Variants in RABGAP1L observed in about 807,000 individuals in gnomAD.
RABGAP1L encodes RAB GTPase activating protein 1 like.
A neutral mutation model predicts 137.7 loss-of-function variants in RABGAP1L; 63 were observed. The observed-to-expected ratio is 0.46, with a 90% CI of 0.37 to 0.56. The LOEUF is 0.56. Among genes scored for constraint, RABGAP1L ranks in the 20% least tolerant of loss-of-function variants. The pLI, the probability that RABGAP1L is intolerant of heterozygous loss-of-function variation, is 0.00. For synonymous variants in RABGAP1L, 431 were observed against 433.7 expected (o/e 0.99, Z 0.08); for missense variants, 1,095 against 1,244.0 (o/e 0.88, Z 1.80).
chr1:174,685,357 A>C (rs577255268), intron 15 of RABGAP1L, among the ~76,000 whole-genome samples: 32 of 152,016 alleles, frequency 2.1e-4, no homozygotes, highest in African/African-American at 7.0e-4. Flanking sequence ...TGTTCACTCC[A>C]TTCTCCTGCC....
chr1:174,710,770 A>G (rs1558006383), intron 17 of RABGAP1L, among the ~76,000 whole-genome samples: 6 of 152,244 alleles, frequency 3.9e-5, no homozygotes, highest in Admixed American at 2.6e-4. Flanking sequence ...CAACTAATGG[A>G]CAAAATAACC....
intron 11 of RABGAP1L, chr1:174,368,162 CA>C (rs1297454696): frequency 6.6e-6 from 1 of 152,218 alleles, no homozygotes; most frequent in African/African-American, 2.4e-5. Flanking sequence ...CCGTGGTTGC[CA>C]GCATAGACCA....
At chr1:174,848,150 C>T (rs1205013172) in intron 19 of RABGAP1L, among the ~76,000 whole-genome samples, 1 of 39,496 alleles carries the variant, frequency 2.5e-5, no homozygotes, top group East Asian at 5.4e-4. Context: ...TCAAAGTTTT[C>T]AACTTCTTTG....
At chr1:174,389,852 G>T (rs1274344625) in intron 12 of RABGAP1L, among the ~76,000 whole-genome samples, 1 of 152,028 alleles carries the variant, frequency 6.6e-6, no homozygotes, top group Non-Finnish European at 1.5e-5. Flanking sequence ...ATGATTAATA[G>T]ATATTTGATT....
At chr1:174,328,007 A>G (rs371649833) in intron 11 of RABGAP1L, among the ~76,000 whole-genome samples, 27 of 137,104 alleles carry the variant, frequency 2.0e-4, no homozygotes, top group East Asian at 1.1e-3. Flanking sequence ...ATATATATAT[A>G]TATATATATA....
chr1:174,508,443 A>G (rs932792429), intron 13 of RABGAP1L, among the ~76,000 whole-genome samples: 4 of 152,136 alleles, frequency 2.6e-5, no homozygotes, highest in African/African-American at 9.7e-5. Context: ...CTTATTTATC[A>G]ACCCTGTAGT....
chr1:174,602,078 T>C (rs2148175814), intron 13 of RABGAP1L, among the ~76,000 whole-genome samples: 1 of 152,314 alleles, frequency 6.6e-6, no homozygotes, highest in South Asian at 2.1e-4. Flanking sequence ...CACCAAACTG[T>C]TCCAACCTCT....
At chr1:174,539,696 T>C (rs1422828005) in intron 13 of RABGAP1L, among the ~76,000 whole-genome samples, 3 of 152,268 alleles carry the variant, frequency 2.0e-5, no homozygotes, top group Non-Finnish European at 4.4e-5. Flanking sequence ...CTATCATTGA[T>C]GGACATTTGG....
At chr1:174,555,259 C>T (rs2147999281) in intron 13 of RABGAP1L, among the ~76,000 whole-genome samples, 1 of 152,320 alleles carries the variant, frequency 6.6e-6, no homozygotes, top group South Asian at 2.1e-4. Context: ...TACTCAATTT[C>T]AGCTGTTACT....
At chr1:174,237,409 C>T (rs1480180919) in intron 4 of RABGAP1L, among the ~76,000 whole-genome samples, 4 of 71,152 alleles carry the variant, frequency 5.6e-5, no homozygotes, top group Middle Eastern at 4.4e-3. Context: ...CGGCTGGTAC[C>T]GGTTGTTCCT....
At chr1:174,799,318 G>C (rs973476493) in intron 18 of RABGAP1L, among the ~76,000 whole-genome samples, 4 of 152,080 alleles carry the variant, frequency 2.6e-5, no homozygotes, top group African/African-American at 7.2e-5. Context: ...TCATTTCTTG[G>C]TTGCTTGGTC....
intron 13 of RABGAP1L, among the ~76,000 whole-genome samples, chr1:174,403,861 T>C (rs570895405): frequency 9.9e-5 from 15 of 152,180 alleles, no homozygotes; most frequent in Admixed American, 9.8e-4. Context: ...AAATTTGACT[T>C]TGTATTGGTT....
At chr1:174,730,851 A>G (rs1403017641) in intron 17 of RABGAP1L, among the ~76,000 whole-genome samples, 1 of 152,212 alleles carries the variant, frequency 6.6e-6, no homozygotes, top group Admixed American at 6.5e-5. Flanking sequence ...TAAAAAGTAA[A>G]AATTGTGGCC....
chr1:174,750,414 G>A (rs1212644034), intron 17 of RABGAP1L, among the ~76,000 whole-genome samples: 2 of 152,056 alleles, frequency 1.3e-5, no homozygotes, highest in African/African-American at 4.8e-5. Flanking sequence ...TCAGTTGGAG[G>A]GCTTAGAATT....
At position 174,344,438 on chromosome 1, in the gene RABGAP1L, G is replaced by A. The variant is rs367854704; in HGVS notation, c.1466-26541G>A. On this transcript the variant is annotated intron_variant, in intron 11 of 25. Transcript: ENST00000681986. Reference sequence around the variant, plus strand: ...TACTTCTTTAGGGACCTTGTGTCTAGGAGTGCTTGTATAGCCATTTTACCC... The same window carrying A: ...TACTTCTTTAGGGACCTTGTGTCTAAGAGTGCTTGTATAGCCATTTTACCC... 3.3e-5 allele frequency among the ~76,000 whole-genome samples: 5 copies of A among 152,248 alleles called. No individual in the cohort carries two copies. The East Asian group carries it at 9.7e-4, about 29-fold the overall frequency.
chr1:174,780,200 A>G (rs1281239393), intron 18 of RABGAP1L, among the ~76,000 whole-genome samples: 2 of 152,110 alleles, frequency 1.3e-5, no homozygotes, highest in African/African-American at 4.8e-5. Context: ...TGCTTTTCCC[A>G]TATTTAATAG....
At chr1:174,642,533 A>G (rs181099222) in intron 14 of RABGAP1L, among the ~76,000 whole-genome samples, 26 of 152,226 alleles carry the variant, frequency 1.7e-4, no homozygotes, top group Admixed American at 9.2e-4. Flanking sequence ...TATTATTTTC[A>G]ATACAATTTT....
intron 4 of RABGAP1L, among the ~76,000 whole-genome samples, chr1:174,240,332 T>G (rs984218865): frequency 1.3e-5 from 2 of 152,204 alleles, no homozygotes; most frequent in Non-Finnish European, 2.9e-5. Context: ...CTGAAACATC[T>G]GCCTCCTGGG....
chr1:174,957,572 A>C, intron 20 of RABGAP1L, 23 bp downstream of exon 20: 1 of 1,563,340 alleles, frequency 6.4e-7, no homozygotes. Flanking sequence ...TGTTGCACCT[A>C]TCAAAGTACC....
Sources: gnomAD v4.1 joint callset for allele counts (sites outside exome capture counted in the v4.1 genomes callset) on GRCh38, gnomAD v4.1.1 for gene constraint, MANE v1.5 for transcripts, NCBI Gene and HGNC (gene_info 2026-07-23, HGNC 2026-07-21) for gene names.